LUC7L: variants seen among roughly 807,000 people sequenced by gnomAD.
LUC7L encodes LUC7 like.
LUC7L carries 29 observed loss-of-function variants against 51.1 expected under a neutral mutation model. The observed-to-expected ratio is 0.57, with a 90% confidence interval of 0.42 to 0.77. The LOEUF (loss-of-function observed/expected upper bound fraction) is 0.77. Among genes scored for constraint, LUC7L ranks in the 30% least tolerant of loss-of-function variants. The pLI is 0.00. For synonymous variants in LUC7L, 181 were observed against 180.7 expected (o/e 1.00, Z -0.01); for missense variants, 403 against 511.9 (o/e 0.79, Z 2.05).
chr16:191,541 T>C (rs1180945277), intron 7 of LUC7L, among the ~76,000 whole-genome samples: 1 of 152,108 alleles, frequency 6.6e-6, no homozygotes, highest in Non-Finnish European at 1.5e-5. Flanking sequence ...CCAATCAGAA[T>C]CTCCTGCTGG....
At chr16:204,247 C>T (rs1567179827) in intron 5 of LUC7L, among the ~76,000 whole-genome samples, 1 of 149,588 alleles carries the variant, frequency 6.7e-6, no homozygotes, top group Non-Finnish European at 1.5e-5. Flanking sequence ...AGTTTGAGAC[C>T]AGCTTGGCCA....
At chr16:218,154 C>T (rs1340048877) in intron 3 of LUC7L, among the ~76,000 whole-genome samples, 2 of 151,394 alleles carry the variant, frequency 1.3e-5, no homozygotes, top group Admixed American at 6.6e-5. Context: ...GATCATGCCA[C>T]GGCACTCCAG....
intron 3 of LUC7L, among the ~76,000 whole-genome samples, chr16:210,846 T>A (rs941112066): frequency 1.4e-5 from 2 of 144,836 alleles, no homozygotes; most frequent in Non-Finnish European, 3.0e-5. Flanking sequence ...GGTCAGGAGA[T>A]CGAGACCACC....
chr16:201,062 C>A (rs111242675), intron 5 of LUC7L, among the ~76,000 whole-genome samples: 1 of 149,824 alleles, frequency 6.7e-6, no homozygotes, highest in Non-Finnish European at 1.5e-5. Context: ...CCCAGCTACT[C>A]GGGAGGCTGA....
Position 189,014 on chromosome 16 carries a change from T to C in LUC7L, c.*184A>G. ...CTCAGGAGGCAGCATCAGATTTATT[T>C]ATTCCTACTCAACATGACCCGGGAA... On this transcript the variant is annotated 3_prime_UTR_variant, in exon 10 of 10. Transcript: ENST00000293872. 1 of 620,714 alleles carries C rather than the reference T, an allele frequency of 1.6e-6. No homozygotes were observed. The highest frequency in any genetic ancestry group is 2.7e-6 in the Non-Finnish European group (1 of 367,338). The allele number at this position is 620,714 out of a possible 1,614,324, so 38.5% of individuals were successfully genotyped here.
intron 5 of LUC7L, among the ~76,000 whole-genome samples, chr16:204,926 T>C (rs572502014): frequency 5.0e-4 from 76 of 152,198 alleles, no homozygotes; most frequent in Non-Finnish European, 1.0e-3. Context: ...CACTTTTTAC[T>C]GCAGTAGGAA....
chr16:221,334 G>A (rs923137846), intron 2 of LUC7L, among the ~76,000 whole-genome samples: 4 of 151,100 alleles, frequency 2.6e-5, no homozygotes, highest in Admixed American at 6.6e-5. Flanking sequence ...TGTGAGCCAC[G>A]GTGCCTGGCC....
intron 4 of LUC7L, 42 bp downstream of exon 4, chr16:208,036 A>AT (rs747227619): frequency 7.1e-6 from 10 of 1,406,444 alleles, no homozygotes; most frequent in Non-Finnish European, 9.8e-6. Flanking sequence ...ACAAGCCAGT[A>AT]TTTTTAAGAA....
intron 2 of LUC7L, among the ~76,000 whole-genome samples, chr16:225,044 A>G (rs745761505): frequency 1.3e-5 from 2 of 152,136 alleles, no homozygotes; most frequent in Admixed American, 6.5e-5. Flanking sequence ...GAAATATCAC[A>G]TTCATTAAGT....
chr16:201,033 G>A (rs912039088), intron 5 of LUC7L, among the ~76,000 whole-genome samples: 7 of 151,530 alleles, frequency 4.6e-5, no homozygotes, highest in African/African-American at 1.5e-4. Context: ...AGCTGGGCAC[G>A]GTGGCTGGCA....
chr16:208,754 T>C lies in LUC7L; in HGVS notation c.256-566A>G, dbSNP rs559165465. The C allele has an allele frequency of 3.6e-4, 154 of 426,922 alleles. No individual in the cohort carries two copies. In the Middle Eastern group the frequency reaches 5.0e-3, roughly 14 times the overall value. 26.4% of individuals were successfully genotyped at this position (426,922 alleles called of 1,614,324 possible). A position where few individuals can be genotyped will look rare whatever the true frequency, so the allele number is the denominator to read the frequency against. On this transcript the variant is annotated intron_variant, in intron 3 of 9. Coordinates refer to ENST00000293872, the MANE Select transcript of LUC7L (RefSeq NM_201412.3). The stretch of plus-strand genomic sequence containing the variant: ...TATCTAAAGTAGCAGGAAAAATTGG[T>C]TGCTATTTACCCAAAGAGATAAAGG...
At chr16:201,438 A>G (rs1432511115) in intron 5 of LUC7L, among the ~76,000 whole-genome samples, 1 of 151,586 alleles carries the variant, frequency 6.6e-6, no homozygotes, top group Non-Finnish European at 1.5e-5. Flanking sequence ...TTCCATTTAC[A>G]TAACTTTTTT....
intron 3 of LUC7L, chr16:209,666 T>G (rs531028620): frequency 6.6e-6 from 1 of 152,112 alleles, no homozygotes; most frequent in East Asian, 1.9e-4. Flanking sequence ...TACCAAAAAC[T>G]AAATTTTAGG....
chr16:215,722 G>C (rs1255757575), intron 3 of LUC7L, among the ~76,000 whole-genome samples: 1 of 151,828 alleles, frequency 6.6e-6, no homozygotes, highest in African/African-American at 2.4e-5. Context: ...AAAATTGCTT[G>C]AACCGGGAAG....
At chr16:215,739 A>G (rs1275392635) in intron 3 of LUC7L, among the ~76,000 whole-genome samples, 1 of 151,716 alleles carries the variant, frequency 6.6e-6, no homozygotes, top group Non-Finnish European at 1.5e-5. Context: ...GAAGGCAGAG[A>G]TGGCAGTGAG....
intron 5 of LUC7L, among the ~76,000 whole-genome samples, chr16:200,239 G>A (rs1375342411): frequency 6.6e-6 from 1 of 151,288 alleles, no homozygotes; most frequent in Non-Finnish European, 1.5e-5. Context: ...TGGCTAACAC[G>A]GTGAAACCCC....
chr16:215,391 C>T (rs953533079), intron 3 of LUC7L, among the ~76,000 whole-genome samples: 9 of 151,876 alleles, frequency 5.9e-5, no homozygotes, highest in Admixed American at 2.6e-4. Flanking sequence ...GAGGCCGAGG[C>T]GAATGGATCA....
chr16:201,979 G>C (rs532684287), intron 5 of LUC7L, among the ~76,000 whole-genome samples: 78 of 151,562 alleles, frequency 5.1e-4, no homozygotes, highest in Middle Eastern at 6.8e-3. Context: ...CCTGACCTCA[G>C]GTGATGCACC....
At chr16:191,135 A>G (rs2048999636) in intron 7 of LUC7L, among the ~76,000 whole-genome samples, 1 of 152,196 alleles carries the variant, frequency 6.6e-6, no homozygotes. Flanking sequence ...GTAACATTAC[A>G]AGGGCCGTGA....
Sources: gnomAD v4.1 joint callset for allele counts (sites outside exome capture counted in the v4.1 genomes callset) on GRCh38, gnomAD v4.1.1 for gene constraint, MANE v1.5 for transcripts, NCBI Gene and HGNC (gene_info 2026-07-23, HGNC 2026-07-21) for gene names.